PDE4B: variants seen among roughly 807,000 people sequenced by gnomAD.
The protein encoded by PDE4B is 3',5'-cyclic-AMP phosphodiesterase 4B.
In PDE4B, 20 loss-of-function variants were observed where a neutral mutation model predicts 82.2. The observed-to-expected ratio is 0.24, with a 90% CI of 0.17 to 0.35. PDE4B has a LOEUF of 0.35. PDE4B is among the 10% of genes least tolerant of loss of function. The probability of loss-of-function intolerance (pLI) is 1.00; values close to 1 mark genes in which losing one functional copy is unlikely to be tolerated. For synonymous variants in PDE4B, 320 were observed against 318.9 expected (o/e 1.00, Z -0.04); for missense variants, 655 against 907.2 (o/e 0.72, Z 3.57).
At chr1:66,284,719 T>A (rs1004782012) in intron 7 of PDE4B, among the ~76,000 whole-genome samples, 2 of 152,128 alleles carry the variant, frequency 1.3e-5, no homozygotes, top group African/African-American at 4.8e-5. Flanking sequence ...GCTTAGTTAT[T>A]GGAATGAAAG....
intron 7 of PDE4B, among the ~76,000 whole-genome samples, chr1:66,298,684 G>A (rs550879838): frequency 6.6e-6 from 1 of 152,208 alleles, no homozygotes; most frequent in African/African-American, 2.4e-5. Flanking sequence ...GGCAAGTCAG[G>A]TATGTGTTGC....
chr1:66,352,087 ACAT>A (rs903671600), intron 8 of PDE4B, among the ~76,000 whole-genome samples: 4 of 152,154 alleles, frequency 2.6e-5, no homozygotes, highest in African/African-American at 9.7e-5. Context: ...GATTGCTTTC[ACAT>A]CAGTGTGGTT....
intron 1 of PDE4B, among the ~76,000 whole-genome samples, chr1:65,800,643 G>A (rs1032811130): frequency 6.6e-6 from 1 of 152,116 alleles, no homozygotes; most frequent in Non-Finnish European, 1.5e-5. Flanking sequence ...GATATTGTTC[G>A]ACAAAACATT....
rs141762149 is a variant in PDE4B at position 66,189,905 on chromosome 1, G to A, written c.282-57555G>A. On this transcript the variant is annotated intron_variant, in intron 3 of 16. Transcript: ENST00000341517. ...GCTGCATTCCTTTGGAGGAGGAGAGGTGCTCTGCTTTTTAGAGTTTCCAGT... is the reference window on the plus strand; with the variant it reads ...GCTGCATTCCTTTGGAGGAGGAGAGATGCTCTGCTTTTTAGAGTTTCCAGT... Among the ~76,000 whole-genome samples, 559 of 152,286 alleles carry A rather than the reference G, an allele frequency of 3.7e-3. 1 individual carries two copies. Among genetic ancestry groups the A allele is most frequent in the African/African-American group, 0.013 (531 of 41,556 alleles).
At chr1:66,140,288 G>A (rs370824727) in intron 3 of PDE4B, among the ~76,000 whole-genome samples, 2 of 152,246 alleles carry the variant, frequency 1.3e-5, no homozygotes, top group South Asian at 4.1e-4. Context: ...ACTCGAAACC[G>A]CCTCAGAGAG....
chr1:66,013,214 C>T (rs1321507410), intron 3 of PDE4B, among the ~76,000 whole-genome samples: 1 of 151,938 alleles, frequency 6.6e-6, no homozygotes, highest in African/African-American at 2.4e-5. Context: ...TGTTTTTTTA[C>T]CTTAGGATTT....
At chr1:66,019,337 AATT>A (rs1305083574) in intron 3 of PDE4B, among the ~76,000 whole-genome samples, 2 of 148,886 alleles carry the variant, frequency 1.3e-5, no homozygotes, top group African/African-American at 2.5e-5. Context: ...TTATTTAGAA[AATT>A]ATTATTATTG....
intron 3 of PDE4B, among the ~76,000 whole-genome samples, chr1:66,151,395 C>A (rs151154731): frequency 8.9e-4 from 136 of 152,290 alleles, no homozygotes; most frequent in African/African-American, 3.1e-3. Context: ...GTCACTATTT[C>A]TCTCACACTT....
intron 3 of PDE4B, among the ~76,000 whole-genome samples, chr1:65,921,974 A>G (rs1647265507): frequency 6.6e-6 from 1 of 152,224 alleles, no homozygotes; most frequent in Admixed American, 6.5e-5. Context: ...GTACTGCCTA[A>G]TTTTATATAA....
intron 3 of PDE4B, among the ~76,000 whole-genome samples, chr1:66,210,522 G>T (rs1450194416): frequency 6.8e-6 from 1 of 147,030 alleles, no homozygotes. Context: ...CTTGAACCCG[G>T]GAAGCGTAGG....
chr1:66,115,507 G>C (rs1645576896), intron 3 of PDE4B, among the ~76,000 whole-genome samples: 1 of 152,192 alleles, frequency 6.6e-6, no homozygotes, highest in Non-Finnish European at 1.5e-5. Flanking sequence ...AAGCATTTGG[G>C]TCCAGAATTT....
In PDE4B at chr1:66,312,742, C is replaced by T. The variant is rs1056783218; in HGVS notation, c.635-19766C>T. 5.3e-5 allele frequency among the ~76,000 whole-genome samples: 8 copies of T among 152,274 alleles called. 2 individuals are homozygous for T. The highest frequency in any genetic ancestry group is 6.5e-5 in the Admixed American group (1 of 15,292). On this transcript the variant is annotated intron_variant, in intron 7 of 16. Coordinates refer to ENST00000341517, the MANE Select transcript of PDE4B (RefSeq NM_002600.4). Reference sequence around the variant, plus strand: ...GATCAACAAACTACAGCCCATGGGCCAGCCACATGTTTTTGCAAATAAAGT... The same window carrying T: ...GATCAACAAACTACAGCCCATGGGCTAGCCACATGTTTTTGCAAATAAAGT...
At chr1:65,812,265 C>T (rs903646071) in intron 1 of PDE4B, among the ~76,000 whole-genome samples, 3 of 152,172 alleles carry the variant, frequency 2.0e-5, no homozygotes, top group Admixed American at 1.3e-4. Flanking sequence ...TCAGTTTCTG[C>T]TCTGAGAGTT....
chr1:66,243,032 TCTC>T (rs1390128540), intron 3 of PDE4B, among the ~76,000 whole-genome samples: 1 of 152,194 alleles, frequency 6.6e-6, no homozygotes, highest in African/African-American at 2.4e-5. Context: ...AGAAGGCTTT[TCTC>T]CTCCTGCGAG....
At chr1:65,792,763 G>C (rs1389878807), upstream of PDE4B, 1 of 151,916 alleles carries the variant, frequency 6.6e-6, no homozygotes, top group Non-Finnish European at 1.5e-5. Context: ...CATCTCGTCC[G>C]TGCGATACGG....
intron 3 of PDE4B, among the ~76,000 whole-genome samples, chr1:66,047,496 C>A (rs962074994): frequency 2.0e-5 from 3 of 151,912 alleles, no homozygotes; most frequent in Non-Finnish European, 4.4e-5. Flanking sequence ...TTATTCCTAG[C>A]TACTATACCA....
intron 1 of PDE4B, among the ~76,000 whole-genome samples, chr1:65,904,877 G>C (rs1647010943): frequency 6.6e-6 from 1 of 152,156 alleles, no homozygotes; most frequent in Non-Finnish European, 1.5e-5. Context: ...AGGGACTATA[G>C]AATAGTGCCT....
Position 65,826,136 on chromosome 1 carries a change from A to G in PDE4B, c.-71+32888A>G, listed in dbSNP as rs532025253. 3.9e-5 allele frequency among the ~76,000 whole-genome samples: 6 copies of G among 152,356 alleles called. No individual in the cohort carries two copies. The East Asian group carries it at 1.2e-3, about 29-fold the overall frequency. On this transcript the variant is annotated intron_variant, in intron 1 of 16. Coordinates refer to ENST00000341517, the MANE Select transcript of PDE4B (RefSeq NM_002600.4). ...CAAAGTTCACATTTCATAGGAATTC[A>G]TGAAACTTATTGGAAAAGCTGGCTT...
intron 2 of PDE4B, among the ~76,000 whole-genome samples, chr1:65,915,141 T>C (rs976718995): frequency 1.3e-5 from 2 of 152,224 alleles, no homozygotes; most frequent in African/African-American, 4.8e-5. Context: ...ATTACACTTT[T>C]GGTTCTCATT....
Sources: allele counts gnomAD v4.1 joint callset (sites outside exome capture counted in the v4.1 genomes callset), GRCh38; gene constraint gnomAD v4.1.1; transcripts MANE v1.5; gene names NCBI Gene and HGNC (gene_info 2026-07-23, HGNC 2026-07-21).